The following SIAH3 variants were observed in gnomAD, a reference collection of about 807,000 sequenced individuals.
SIAH3 encodes seven in absentia homolog 3.
A neutral mutation model predicts 12.6 loss-of-function variants in SIAH3; 9 were observed. That is an observed-to-expected ratio of 0.72 (90% CI 0.43 to 1.25). The LOEUF (loss-of-function observed/expected upper bound fraction) is 1.25, where lower values mean the gene tolerates loss of function less well. Ranked by LOEUF, SIAH3 falls within the 50% of genes most tolerant of loss-of-function variation. The pLI is 0.00. For synonymous variants in SIAH3, 154 were observed against 151.1 expected, an observed-to-expected ratio of 1.02 and a Z score of -0.14; for missense variants, 390 against 365.4, an observed-to-expected ratio of 1.07 and a Z score of -0.55.
At chr13:45,825,211 G>A (rs1221890447) in intron 1 of SIAH3, among the ~76,000 whole-genome samples, 2 of 152,118 alleles carry the variant, frequency 1.3e-5, no homozygotes, top group Non-Finnish European at 2.9e-5. Flanking sequence ...TTTCCTCTAA[G>A]TGCTAATAAT....
At chr13:45,789,384 CTAT>C (rs1950538571) in intron 1 of SIAH3, among the ~76,000 whole-genome samples, 1 of 35,346 alleles carries the variant, frequency 2.8e-5, no homozygotes, top group Non-Finnish European at 5.8e-5. Flanking sequence ...ATCTATCTAT[CTAT>C]CTATCTATCT....
intron 1 of SIAH3, among the ~76,000 whole-genome samples, chr13:45,841,840 G>A (rs2137583636): frequency 6.6e-6 from 1 of 152,298 alleles, no homozygotes; most frequent in Non-Finnish European, 1.5e-5. Flanking sequence ...AGAGACACAA[G>A]GAACATTTGC....
intron 1 of SIAH3, among the ~76,000 whole-genome samples, chr13:45,817,614 G>A (rs1270173881): frequency 7.0e-6 from 1 of 143,662 alleles, no homozygotes; most frequent in African/African-American, 2.6e-5. Flanking sequence ...AGAAGAGAAA[G>A]CAATGTGAAG....
At chr13:45,851,097 CACATGGG>C (rs1485801403) in intron 1 of SIAH3, among the ~76,000 whole-genome samples, 1 of 151,162 alleles carries the variant, frequency 6.6e-6, no homozygotes, top group Non-Finnish European at 1.5e-5. Flanking sequence ...CCTCTCCCAA[CACATGGG>C]ACAGAGAGAA....
At chr13:45,813,733 G>A (rs1209828706) in intron 1 of SIAH3, among the ~76,000 whole-genome samples, 2 of 152,282 alleles carry the variant, frequency 1.3e-5, no homozygotes, top group Middle Eastern at 3.4e-3. Flanking sequence ...CTAGTTTGCA[G>A]ACAGCTGCCT....
intron 1 of SIAH3, among the ~76,000 whole-genome samples, chr13:45,831,219 T>A (rs1566095971): frequency 7.1e-6 from 1 of 140,424 alleles, no homozygotes; most frequent in Non-Finnish European, 1.5e-5. Flanking sequence ...AATAAATAAA[T>A]AAATAAAATA....
chr13:45,803,252 A>G (rs1324004390), intron 1 of SIAH3, among the ~76,000 whole-genome samples: 9 of 152,228 alleles, frequency 5.9e-5, no homozygotes, highest in Admixed American at 4.6e-4. Context: ...GCTGGAGTAT[A>G]TGGATTTAGT....
chr13:45,805,204 G>T (rs8001117), intron 1 of SIAH3, among the ~76,000 whole-genome samples: 60,658 of 151,706 alleles, frequency 0.4, 13,075 homozygotes, highest in African/African-American at 0.53. Flanking sequence ...CAACATTACC[G>T]TTCACAGAAT....
intron 1 of SIAH3, among the ~76,000 whole-genome samples, chr13:45,787,500 T>C (rs2137549281): frequency 6.6e-6 from 1 of 152,266 alleles, no homozygotes; most frequent in South Asian, 2.1e-4. Flanking sequence ...GAGGTAGCTA[T>C]TCTAGCCAGT....
rs547685968 is a variant in SIAH3 at position 45,783,906 on chromosome 13, C to G, written c.287G>C (p.Gly96Ala). 2 of 1,611,536 alleles carry G rather than the reference C, an allele frequency of 1.2e-6. No individual in the cohort carries two copies. The highest frequency in any genetic ancestry group is 3.3e-5 in the Admixed American group (2 of 59,922). The change falls in exon 2 of 2, where the codon GGG (glycine) becomes GCG (alanine). Residue 96 changes from glycine (G) to alanine (A), a missense_variant. Physicochemically the swap from Gly to Ala is moderately conservative, Grantham distance 60. Transcript: ENST00000400405. The part of the protein sequence containing the change: ...HPHHLHHQEA[G>A]LHANPVTPCL... ...GGGCGTCACCGGGTTGGCGTGCAGC[C>G]CCGCCTCCTGGTGGTGAAGGTGGTG...
At chr13:45,792,419 G>A (rs6561261) in intron 1 of SIAH3, among the ~76,000 whole-genome samples, 97,463 of 151,070 alleles carry the variant, frequency 0.65, 32,756 homozygotes, top group Non-Finnish European at 0.75. Context: ...GTGCAATGGC[G>A]TAATCTTGGC....
chr13:45,800,026 T>C (rs1950576065), intron 1 of SIAH3, among the ~76,000 whole-genome samples: 1 of 152,214 alleles, frequency 6.6e-6, no homozygotes, highest in South Asian at 2.1e-4. Flanking sequence ...ACATATTGTT[T>C]TTAAACTTAA....
intron 1 of SIAH3, among the ~76,000 whole-genome samples, chr13:45,819,808 G>A (rs1950648967): frequency 6.6e-6 from 1 of 152,158 alleles, no homozygotes; most frequent in Admixed American, 6.5e-5. Context: ...TCCAGGGCCT[G>A]CAGGACTTCT....
intron 1 of SIAH3, among the ~76,000 whole-genome samples, chr13:45,804,147 C>A (rs990211988): frequency 1.3e-5 from 2 of 151,770 alleles, no homozygotes; most frequent in African/African-American, 2.4e-5. Context: ...AAAATGCAAG[C>A]TTGGGGAGGG....
At position 45,841,121 on chromosome 13, in the gene SIAH3, C is replaced by A. The variant is rs1411392363; in HGVS notation, c.135+10374G>T. ...TTAGCTGCCTTGGCCTAGTATAAGT[C>A]ATTATACATCCCTAAAGTACACAGA... On this transcript the variant is annotated intron_variant, in intron 1 of 1. Coordinates refer to ENST00000400405, the MANE Select transcript of SIAH3 (RefSeq NM_198849.3). 2.5e-4 allele frequency among the ~76,000 whole-genome samples: 38 copies of A among 152,164 alleles called. 1 individual carries two copies. The highest frequency in any genetic ancestry group is 2.5e-3 in the Admixed American group (38 of 15,274).
intron 1 of SIAH3, among the ~76,000 whole-genome samples, chr13:45,842,468 C>T (rs925468348): frequency 6.6e-6 from 1 of 152,100 alleles, no homozygotes; most frequent in African/African-American, 2.4e-5. Context: ...CTCAGCCCCT[C>T]CACCCTGAAT....
chr13:45,826,462 T>TGGGG, intron 1 of SIAH3, among the ~76,000 whole-genome samples: 2 of 66,938 alleles, frequency 3.0e-5, no homozygotes, highest in Non-Finnish European at 2.7e-5. Flanking sequence ...GATGGATGAA[T>TGGGG]GGATGGATGG....
chr13:45,807,162 T>C (rs1950600871), intron 1 of SIAH3, among the ~76,000 whole-genome samples: 1 of 151,980 alleles, frequency 6.6e-6, no homozygotes, highest in Non-Finnish European at 1.5e-5. Flanking sequence ...ACAGAAGAAC[T>C]CTAAGAAAGA....
At chr13:45,842,525 T>C (rs2137584000) in intron 1 of SIAH3, among the ~76,000 whole-genome samples, 1 of 152,218 alleles carries the variant, frequency 6.6e-6, no homozygotes, top group East Asian at 1.9e-4. Context: ...AATATTTATA[T>C]TTTTGGAGAC....
Sources: allele counts gnomAD v4.1 joint callset (sites outside exome capture counted in the v4.1 genomes callset), GRCh38; gene constraint gnomAD v4.1.1; transcripts MANE v1.5; gene names NCBI Gene and HGNC (gene_info 2026-07-23, HGNC 2026-07-21).